STX8: variants seen among roughly 807,000 people sequenced by gnomAD.
STX8 encodes syntaxin-8.
Under a neutral mutation model 37.5 loss-of-function variants are expected in STX8, and 23 were observed. The observed-to-expected ratio is 0.61, with a 90% CI of 0.44 to 0.87. The LOEUF (loss-of-function observed/expected upper bound fraction) is 0.87. Among genes scored for constraint, STX8 ranks in the 40% least tolerant of loss-of-function variants. STX8 has a pLI of 0.00. For missense variants in STX8, 313 were observed against 284.7 expected (o/e 1.10, Z -0.71); for synonymous variants, 115 against 99.1 (o/e 1.16, Z -0.95).
chr17:9,293,215 C>T (rs991918538), intron 7 of STX8, among the ~76,000 whole-genome samples: 3 of 152,168 alleles, frequency 2.0e-5, no homozygotes, highest in African/African-American at 7.2e-5. Context: ...ATTCATTTCA[C>T]CCTCACAAAT....
At position 9,459,383 on chromosome 17, in the gene STX8, T is replaced by C. The variant is rs563300215; in HGVS notation, c.541+32446A>G. Among the ~76,000 whole-genome samples the C allele has an allele frequency of 2.6e-5, 4 of 152,284 alleles. No homozygotes were observed. The East Asian group carries it at 7.7e-4, about 29-fold the overall frequency. ...GTGTCTCCAGGGTACCTGAAGAGGC[T>C]GATTGTGCAAGTGTTGAAAAACCCG... is the stretch of plus-strand genomic sequence containing the variant. On this transcript the variant is annotated intron_variant, in intron 6 of 7. Coordinates refer to ENST00000306357, the MANE Select transcript of STX8 (RefSeq NM_004853.3).
chr17:9,443,481 C>A (rs1162918563), intron 6 of STX8, among the ~76,000 whole-genome samples: 2 of 152,152 alleles, frequency 1.3e-5, no homozygotes, highest in African/African-American at 2.4e-5. Flanking sequence ...GAGGGTACCA[C>A]TAAGCTCACC....
At chr17:9,385,890 G>A (rs1017181080) in intron 6 of STX8, among the ~76,000 whole-genome samples, 2 of 152,040 alleles carry the variant, frequency 1.3e-5, no homozygotes, top group African/African-American at 2.4e-5. Flanking sequence ...CTCCAGCCTC[G>A]CCCTCCTGAG....
At chr17:9,266,642 C>T (rs886527924) in intron 7 of STX8, among the ~76,000 whole-genome samples, 1 of 152,118 alleles carries the variant, frequency 6.6e-6, no homozygotes, top group Non-Finnish European at 1.5e-5. Flanking sequence ...AGTGCCGCTT[C>T]TGGTGCTCTG....
At chr17:9,572,940 A>G (rs996473408) in intron 1 of STX8, among the ~76,000 whole-genome samples, 5 of 152,160 alleles carry the variant, frequency 3.3e-5, no homozygotes, top group Non-Finnish European at 7.3e-5. Context: ...ATCTAAATAG[A>G]TAACTGGGGG....
rs1907938645 is a variant in STX8 at position 9,282,850 on chromosome 17, C to G, written c.644-32205G>C. On this transcript the variant is annotated intron_variant, in intron 7 of 7. Transcript: ENST00000306357. ...CTGAGAGAAAATATCCAGGCAAGAG[C>G]TAACTTGCAAATCTGAATACTTGAA... 3.9e-5 allele frequency among the ~76,000 whole-genome samples: 6 copies of G among 152,174 alleles called. No homozygotes were observed. The South Asian group carries it at 1.2e-3, about 32-fold the overall frequency.
At chr17:9,551,104 A>G (rs917011375) in intron 3 of STX8, among the ~76,000 whole-genome samples, 1 of 152,192 alleles carries the variant, frequency 6.6e-6, no homozygotes, top group South Asian at 2.1e-4. Flanking sequence ...GGTAAGCCTT[A>G]TTTTGTGAAA....
At chr17:9,506,141 A>G (rs1404860744) in intron 4 of STX8, among the ~76,000 whole-genome samples, 2 of 152,234 alleles carry the variant, frequency 1.3e-5, no homozygotes, top group East Asian at 3.9e-4. Flanking sequence ...TCTAAGGAAC[A>G]GGAAACACAT....
intron 4 of STX8, among the ~76,000 whole-genome samples, chr17:9,543,029 A>G (rs1294471266): frequency 1.3e-5 from 2 of 152,222 alleles, no homozygotes; most frequent in Non-Finnish European, 2.9e-5. Context: ...CTTCAGCATC[A>G]TTAAGTGGCA....
At chr17:9,315,148 G>A (rs1597599922) in intron 7 of STX8, among the ~76,000 whole-genome samples, 2 of 142,422 alleles carry the variant, frequency 1.4e-5, no homozygotes, top group Non-Finnish European at 3.1e-5. Context: ...ACAAAAACAA[G>A]AAAAAAACAA....
intron 6 of STX8, among the ~76,000 whole-genome samples, chr17:9,490,852 G>A (rs763381941): frequency 1.8e-4 from 27 of 152,290 alleles, no homozygotes; most frequent in Middle Eastern, 3.4e-3. Flanking sequence ...ACTCATAAGC[G>A]ATGTGGTCTC....
At chr17:9,420,283 C>T (rs967088323) in intron 6 of STX8, among the ~76,000 whole-genome samples, 1 of 152,242 alleles carries the variant, frequency 6.6e-6, no homozygotes, top group Non-Finnish European at 1.5e-5. Context: ...CCCTGAACCT[C>T]TGCAGTTCTC....
intron 7 of STX8, among the ~76,000 whole-genome samples, chr17:9,294,090 G>A (rs1464276657): frequency 1.3e-5 from 2 of 152,164 alleles, no homozygotes; most frequent in African/African-American, 4.8e-5. Flanking sequence ...CCATCTTATA[G>A]ATGAAGCAAA....
intron 6 of STX8, among the ~76,000 whole-genome samples, chr17:9,435,383 A>C (rs894058713): frequency 6.6e-6 from 1 of 152,158 alleles, no homozygotes; most frequent in Non-Finnish European, 1.5e-5. Flanking sequence ...CCCCAATAAG[A>C]GCATGCAGAG....
At chr17:9,538,567 A>G (rs1340096670) in intron 4 of STX8, among the ~76,000 whole-genome samples, 3 of 152,234 alleles carry the variant, frequency 2.0e-5, no homozygotes, top group Non-Finnish European at 2.9e-5. Flanking sequence ...ATGTTTTGTC[A>G]GTAGTGCAAG....
chr17:9,287,446 A>G (rs1212266141), intron 7 of STX8, among the ~76,000 whole-genome samples: 1 of 152,144 alleles, frequency 6.6e-6, no homozygotes, highest in African/African-American at 2.4e-5. Flanking sequence ...CAGAAGAAGA[A>G]AGGGATATGA....
At chr17:9,396,091 CAATAAG>C (rs904800326) in intron 6 of STX8, among the ~76,000 whole-genome samples, 9 of 143,874 alleles carry the variant, frequency 6.3e-5, no homozygotes, top group Admixed American at 2.1e-4. Context: ...AAGGTAACAA[CAATAAG>C]AAAAGAAAGA....
chr17:9,563,895 G>A (rs200778981), intron 2 of STX8, among the ~76,000 whole-genome samples: 2 of 152,116 alleles, frequency 1.3e-5, no homozygotes, highest in Non-Finnish European at 2.9e-5. Context: ...TATCCACCAC[G>A]ATCAAGTAGG....
intron 6 of STX8, chr17:9,469,791 T>C (rs1339209468): frequency 6.6e-6 from 1 of 152,142 alleles, no homozygotes; most frequent in Non-Finnish European, 1.5e-5. Context: ...TTTAGCAACA[T>C]GAATCCTACA....
Sources: allele counts gnomAD v4.1 joint callset (sites outside exome capture counted in the v4.1 genomes callset), GRCh38; gene constraint gnomAD v4.1.1; transcripts MANE v1.5; gene names NCBI Gene and HGNC (gene_info 2026-07-23, HGNC 2026-07-21).